GPR158: variants seen among roughly 807,000 people sequenced by gnomAD.
The protein encoded by GPR158 is G protein-coupled receptor 158, also known as metabotropic glycine receptor.
GPR158 carries 30 observed loss-of-function variants against 78.2 expected under a neutral mutation model. The observed-to-expected ratio is 0.38, with a 90% CI of 0.29 to 0.52. The LOEUF is 0.52. GPR158 is among the 20% of genes least tolerant of loss of function. The pLI, the probability that GPR158 is intolerant of heterozygous loss-of-function variation, is 0.83. For synonymous variants in GPR158, 581 were observed against 591.1 expected, an observed-to-expected ratio of 0.98 and a Z score of 0.25; for missense variants, 1,463 against 1,523.5, an observed-to-expected ratio of 0.96 and a Z score of 0.66.
At chr10:25,214,785 A>C (rs1853183568) in intron 1 of GPR158, among the ~76,000 whole-genome samples, 1 of 151,978 alleles carries the variant, frequency 6.6e-6, no homozygotes, top group Admixed American at 6.6e-5. Flanking sequence ...AGACCATGTG[A>C]AGACACAAGG....
chr10:25,247,886 G>T (rs1262739142), intron 2 of GPR158, among the ~76,000 whole-genome samples: 3 of 135,270 alleles, frequency 2.2e-5, no homozygotes, highest in East Asian at 4.4e-4. Flanking sequence ...CTGAGGAATC[G>T]CCACACTGAC....
intron 2 of GPR158, among the ~76,000 whole-genome samples, chr10:25,383,557 TAA>T (rs1834185197): frequency 6.6e-6 from 1 of 152,228 alleles, no homozygotes; most frequent in African/African-American, 2.4e-5. Flanking sequence ...GCTTGTTTCC[TAA>T]GATTTGAGTT....
intron 2 of GPR158, chr10:25,243,981 A>C (rs1046656307): frequency 1.3e-5 from 2 of 152,194 alleles, no homozygotes; most frequent in African/African-American, 4.8e-5. Flanking sequence ...ATGCTATATA[A>C]TATTAGAGGA....
intron 2 of GPR158, among the ~76,000 whole-genome samples, chr10:25,391,244 C>A (rs1834293772): frequency 6.6e-6 from 1 of 152,162 alleles, no homozygotes; most frequent in South Asian, 2.1e-4. Context: ...AACACAGCGT[C>A]CCCACTGGGG....
At chr10:25,293,173 C>T (rs1323603639) in intron 2 of GPR158, among the ~76,000 whole-genome samples, 2 of 152,136 alleles carry the variant, frequency 1.3e-5, no homozygotes, top group East Asian at 3.8e-4. Context: ...ATGCTGCTGC[C>T]TTGAGTTGAG....
intron 4 of GPR158, among the ~76,000 whole-genome samples, chr10:25,420,816 T>A (rs1013008936): frequency 1.4e-4 from 22 of 152,186 alleles, no homozygotes; most frequent in South Asian, 4.1e-4. Flanking sequence ...TCTATTCCGT[T>A]GGTCTGTGTG....
intron 8 of GPR158, among the ~76,000 whole-genome samples, chr10:25,593,278 T>C (rs1837364470): frequency 6.6e-6 from 1 of 152,058 alleles, no homozygotes; most frequent in Non-Finnish European, 1.5e-5. Flanking sequence ...ACATTAATGA[T>C]CATTTACTTA....
intron 2 of GPR158, among the ~76,000 whole-genome samples, chr10:25,241,285 T>TTTC (rs1564399580): frequency 2.9e-5 from 2 of 69,072 alleles, no homozygotes; most frequent in African/African-American, 1.1e-4. Context: ...TCTTTCTTTC[T>TTTC]TTTCTTTTCT....
At chr10:25,397,519 T>G (rs1010990168) in intron 3 of GPR158, among the ~76,000 whole-genome samples, 1 of 152,234 alleles carries the variant, frequency 6.6e-6, no homozygotes, top group Non-Finnish European at 1.5e-5. Flanking sequence ...TCATTGAGAT[T>G]GAGACCTGAA....
chr10:25,398,651 A>C (rs1834400138), intron 3 of GPR158, among the ~76,000 whole-genome samples: 1 of 152,078 alleles, frequency 6.6e-6, no homozygotes, highest in African/African-American at 2.4e-5. Context: ...TCCTTATTTT[A>C]AAAGCCAGTG....
chr10:25,399,421 G>A (rs899188601), intron 3 of GPR158, among the ~76,000 whole-genome samples: 1 of 152,134 alleles, frequency 6.6e-6, no homozygotes, highest in Non-Finnish European at 1.5e-5. Context: ...AAACCCTAAT[G>A]TGAACTGCAT....
chr10:25,378,435 TGACA>T (rs1281267998), intron 2 of GPR158, among the ~76,000 whole-genome samples: 1 of 151,988 alleles, frequency 6.6e-6, no homozygotes, highest in East Asian at 1.9e-4. Context: ...GTTAGAAACC[TGACA>T]GACTGCTTGC....
chr10:25,200,644 G>A (rs570351685), intron 1 of GPR158, among the ~76,000 whole-genome samples: 1 of 152,166 alleles, frequency 6.6e-6, no homozygotes, highest in Admixed American at 6.5e-5. Context: ...GGTTTTACAA[G>A]TCTTTACTGA....
At chr10:25,420,923 A>T (rs1416185766) in intron 4 of GPR158, among the ~76,000 whole-genome samples, 4 of 152,128 alleles carry the variant, frequency 2.6e-5, no homozygotes, top group African/African-American at 4.8e-5. Context: ...TATTCTTTTT[A>T]AAATTGTTTT....
At chr10:25,422,056 G>T (rs1003184448) in intron 4 of GPR158, among the ~76,000 whole-genome samples, 2 of 152,110 alleles carry the variant, frequency 1.3e-5, no homozygotes, top group Non-Finnish European at 1.5e-5. Context: ...CAAGTCGTTT[G>T]TTCAGTAAAT....
intron 4 of GPR158, among the ~76,000 whole-genome samples, chr10:25,414,278 T>A (rs1045989549): frequency 5.3e-5 from 8 of 152,168 alleles, no homozygotes; most frequent in African/African-American, 1.9e-4. Context: ...CCTTGCTAAT[T>A]TCCCTGGACC....
chr10:25,471,415 A>G (rs1379079891), intron 5 of GPR158, among the ~76,000 whole-genome samples: 5 of 152,168 alleles, frequency 3.3e-5, no homozygotes, highest in Non-Finnish European at 7.4e-5. Flanking sequence ...TGCCACAATA[A>G]ATATACGTGT....
At chr10:25,337,150 T>C (rs2130500013) in intron 2 of GPR158, among the ~76,000 whole-genome samples, 1 of 152,224 alleles carries the variant, frequency 6.6e-6, no homozygotes, top group Non-Finnish European at 1.5e-5. Context: ...TTTGAAAATA[T>C]TTTTTAACTT....
intron 3 of GPR158, among the ~76,000 whole-genome samples, chr10:25,399,785 TA>T (rs1471600152): frequency 1.3e-5 from 2 of 152,186 alleles, no homozygotes; most frequent in Admixed American, 6.5e-5. Flanking sequence ...TTGAGGCTTA[TA>T]AGAGAATATA....
Sources: allele counts gnomAD v4.1 joint callset (sites outside exome capture counted in the v4.1 genomes callset), GRCh38; gene constraint gnomAD v4.1.1; transcripts MANE v1.5; gene names NCBI Gene and HGNC (gene_info 2026-07-23, HGNC 2026-07-21).